SIPA1L1: variants seen among roughly 807,000 people sequenced by gnomAD.
SIPA1L1 encodes the protein signal induced proliferation associated 1 like 1.
SIPA1L1 carries 26 observed loss-of-function variants against 162.7 expected under a neutral mutation model. That is an observed-to-expected ratio of 0.16 (90% CI 0.12 to 0.22). The LOEUF is 0.22. Among genes scored for constraint, SIPA1L1 ranks in the 10% least tolerant of loss-of-function variants. The probability of loss-of-function intolerance (pLI) is 1.00; values close to 1 mark genes in which losing one functional copy is unlikely to be tolerated. For synonymous variants in SIPA1L1, 829 were observed against 837.4 expected (o/e 0.99, Z 0.17); for missense variants, 1,874 against 2,241.0 (o/e 0.84, Z 3.31).
chr14:71,736,106 C>A (rs1333916516), intron 22 of SIPA1L1, among the ~76,000 whole-genome samples: 1 of 152,188 alleles, frequency 6.6e-6, no homozygotes, highest in Non-Finnish European at 1.5e-5. Context: ...TCCCTTAAAA[C>A]CCTTTGAGGC....
intron 2 of SIPA1L1, among the ~76,000 whole-genome samples, chr14:71,409,955 C>T (rs541829727): frequency 1.3e-5 from 2 of 152,256 alleles, no homozygotes; most frequent in South Asian, 2.1e-4. Context: ...TGAAACTACC[C>T]GACCATGGTG....
intron 2 of SIPA1L1, among the ~76,000 whole-genome samples, chr14:71,395,870 T>C (rs1300929774): frequency 6.6e-6 from 1 of 152,198 alleles, no homozygotes. Context: ...TTAAGGCTTT[T>C]TACAACTTCA....
Position 71,330,816 on chromosome 14 carries a change from G to A in SIPA1L1, c.-465+9635G>A, listed in dbSNP as rs1594845208. 4 of 654,860 alleles carry A rather than the reference G, an allele frequency of 6.1e-6. No homozygotes were observed. The East Asian group carries it at 1.0e-4, about 17-fold the overall frequency. 40.6% of individuals were successfully genotyped at this position (654,860 alleles called of 1,614,324 possible). On this transcript the variant is annotated intron_variant, in intron 2 of 23. Transcript: ENST00000381232. ...ACCTCAGGCTTCACTCCATATTCTA[G>A]ATATTAACACCTTATGAGATAGATT... is the stretch of plus-strand genomic sequence containing the variant.
chr14:71,488,935 T>G (rs552794767), intron 2 of SIPA1L1, among the ~76,000 whole-genome samples: 62 of 152,330 alleles, frequency 4.1e-4, no homozygotes, highest in African/African-American at 1.5e-3. Flanking sequence ...ATCAGTTATG[T>G]GAAGAAGTAA....
intron 4 of SIPA1L1, among the ~76,000 whole-genome samples, chr14:71,545,975 C>T (rs562058840): frequency 6.6e-6 from 1 of 152,122 alleles, no homozygotes; most frequent in African/African-American, 2.4e-5. Flanking sequence ...TAGCACATGG[C>T]TGTAGTTCCA....
At chr14:71,375,851 T>A (rs950296207) in intron 2 of SIPA1L1, among the ~76,000 whole-genome samples, 1 of 152,178 alleles carries the variant, frequency 6.6e-6, no homozygotes, top group Non-Finnish European at 1.5e-5. Flanking sequence ...CTTTAATCTG[T>A]TAATATGATG....
intron 10 of SIPA1L1, among the ~76,000 whole-genome samples, chr14:71,663,627 CCTT>C (rs1369770408): frequency 6.6e-6 from 1 of 152,168 alleles, no homozygotes; most frequent in Non-Finnish European, 1.5e-5. Flanking sequence ...GGTATGTTCT[CCTT>C]CTTCAGTGCT....
At chr14:71,415,139 G>A (rs1411544657) in intron 2 of SIPA1L1, among the ~76,000 whole-genome samples, 1 of 152,140 alleles carries the variant, frequency 6.6e-6, no homozygotes. Flanking sequence ...GGATGGTCAA[G>A]TTATCTGACC....
intron 17 of SIPA1L1, among the ~76,000 whole-genome samples, chr14:71,721,012 A>G (rs1392216979): frequency 6.6e-6 from 1 of 152,150 alleles, no homozygotes; most frequent in Non-Finnish European, 1.5e-5. Context: ...GTGTACATTC[A>G]TCAGTGTCTG....
intron 2 of SIPA1L1, among the ~76,000 whole-genome samples, chr14:71,359,714 A>C (rs928589033): frequency 6.6e-6 from 1 of 152,182 alleles, no homozygotes; most frequent in African/African-American, 2.4e-5. Context: ...TATATAAAGA[A>C]AGTAAGTGCA....
chr14:71,414,640 G>A (rs542160907), intron 2 of SIPA1L1, among the ~76,000 whole-genome samples: 6 of 152,338 alleles, frequency 3.9e-5, no homozygotes, highest in African/African-American at 1.4e-4. Flanking sequence ...TCCCTCCATA[G>A]TGAATGCATT....
Position 71,588,578 on chromosome 14 carries a change from C to T in SIPA1L1, c.706C>T (p.Arg236Ter). Residue 236 changes from arginine to a stop codon, truncating the protein, a stop_gained, in exon 5 of 24, where the codon CGA (arginine) becomes TGA (stop). Transcript: ENST00000381232. LOFTEE classifies it high-confidence loss of function. The surrounding 1 kb of genome is among the most constrained non-coding windows in gnomAD (Gnocchi z 4.3). ...LKGYKDDKSD[R>*]GPTPTKLSDF... ...GGGCTACAAAGATGACAAATCTGAT[C>T]GAGGTCCAACTCCAACCAAGCTCAG... is the stretch of plus-strand genomic sequence containing the variant. 6.2e-7 allele frequency: 1 copy of T among 1,613,968 alleles called. No individual in the cohort carries two copies. Among genetic ancestry groups the T allele is most frequent in the Non-Finnish European group, 8.5e-7 (1 of 1,179,976 alleles).
chr14:71,337,559 C>G (rs748541933), intron 2 of SIPA1L1, among the ~76,000 whole-genome samples: 7 of 152,132 alleles, frequency 4.6e-5, no homozygotes, highest in Non-Finnish European at 7.3e-5. Context: ...ACCATCAGAT[C>G]TCATGAGACT....
intron 2 of SIPA1L1, among the ~76,000 whole-genome samples, chr14:71,506,968 T>C (rs1380329875): frequency 1.3e-5 from 2 of 152,110 alleles, no homozygotes; most frequent in Non-Finnish European, 2.9e-5. Flanking sequence ...CTGGCCTGTT[T>C]TGTAGTCTAA....
intron 2 of SIPA1L1, among the ~76,000 whole-genome samples, chr14:71,391,103 C>CT (rs36003254): frequency 0.51 from 55,800 of 108,436 alleles, 17,988 homozygotes; most frequent in Non-Finnish European, 0.69. Context: ...TATTCAGTAT[C>CT]TTTTTTTTTT....
intron 2 of SIPA1L1, among the ~76,000 whole-genome samples, chr14:71,498,204 C>T (rs563964137): frequency 6.6e-6 from 1 of 152,228 alleles, no homozygotes; most frequent in Non-Finnish European, 1.5e-5. Context: ...ATTTTAGGTA[C>T]ACTTAAAAAT....
intron 2 of SIPA1L1, among the ~76,000 whole-genome samples, chr14:71,511,408 C>A (rs1206441636): frequency 1.3e-5 from 2 of 152,122 alleles, no homozygotes; most frequent in African/African-American, 2.4e-5. Context: ...CCTCAGCCTC[C>A]CTAGTAGCTG....
At chr14:71,667,271 A>G (rs1420054541) in intron 10 of SIPA1L1, among the ~76,000 whole-genome samples, 2 of 151,832 alleles carry the variant, frequency 1.3e-5, no homozygotes, top group Non-Finnish European at 2.9e-5. Flanking sequence ...CATCTGATGA[A>G]TTCCTGCTTT....
At chr14:71,516,038 T>G (rs1216962834) in intron 3 of SIPA1L1, among the ~76,000 whole-genome samples, 1 of 152,210 alleles carries the variant, frequency 6.6e-6, no homozygotes, top group Non-Finnish European at 1.5e-5. Context: ...TTAAAATGTG[T>G]TAACTTTAAG....
Sources: gnomAD v4.1 joint callset for allele counts (sites outside exome capture counted in the v4.1 genomes callset) on GRCh38, gnomAD v4.1.1 for gene constraint, Gnocchi (gnomAD v3.1) non-coding constraint, MANE v1.5 for transcripts, NCBI Gene and HGNC (gene_info 2026-07-23, HGNC 2026-07-21) for gene names.